The following CDKAL1 variants were observed in gnomAD, a reference collection of about 807,000 sequenced individuals.
CDKAL1 encodes the protein threonylcarbamoyladenosine tRNA methylthiotransferase.
Under a neutral mutation model 68.2 loss-of-function variants are expected in CDKAL1, and 32 were observed. The observed-to-expected ratio is 0.47, with a 90% CI of 0.35 to 0.63. CDKAL1 has a LOEUF of 0.63. Among genes scored for constraint, CDKAL1 ranks in the 30% least tolerant of loss-of-function variants. The pLI, the probability that CDKAL1 is intolerant of heterozygous loss-of-function variation, is 0.00. For synonymous variants in CDKAL1, 234 were observed against 244.3 expected (o/e 0.96, Z 0.39); for missense variants, 606 against 696.7 (o/e 0.87, Z 1.47).
intron 9 of CDKAL1, among the ~76,000 whole-genome samples, chr6:20,883,574 G>A (rs867998261): frequency 7.2e-5 from 11 of 152,292 alleles, no homozygotes; most frequent in East Asian, 3.9e-4. Context: ...CTAAATAGCC[G>A]CATGTGGCTA....
intron 4 of CDKAL1, among the ~76,000 whole-genome samples, chr6:20,648,701 A>G (rs1322282706): frequency 1.3e-5 from 2 of 152,238 alleles, no homozygotes; most frequent in Non-Finnish European, 2.9e-5. Context: ...TGCAAGAGGC[A>G]GGTGGAATAG....
At chr6:21,073,434 C>G (rs551743216) in intron 12 of CDKAL1, among the ~76,000 whole-genome samples, 171 of 152,290 alleles carry the variant, frequency 1.1e-3, no homozygotes, top group African/African-American at 4.0e-3. Flanking sequence ...AGCCACTCTG[C>G]CATTTTGCAT....
intron 4 of CDKAL1, among the ~76,000 whole-genome samples, chr6:20,645,235 A>T (rs1768385935): frequency 1.3e-5 from 2 of 152,184 alleles, no homozygotes; most frequent in Non-Finnish European, 2.9e-5. Context: ...TAAACACTGT[A>T]CACTTAGGCT....
At chr6:21,042,938 G>A (rs888333047) in intron 11 of CDKAL1, among the ~76,000 whole-genome samples, 3 of 152,206 alleles carry the variant, frequency 2.0e-5, no homozygotes, top group East Asian at 1.9e-4. Flanking sequence ...TGCTGAGAGT[G>A]TATAAAAAAC....
At chr6:20,665,739 G>T (rs1229048450) in intron 5 of CDKAL1, among the ~76,000 whole-genome samples, 1 of 151,856 alleles carries the variant, frequency 6.6e-6, no homozygotes, top group Non-Finnish European at 1.5e-5. Flanking sequence ...TAAAGAAACT[G>T]TCGAATGAAA....
At chr6:20,814,962 A>C (rs1776983465) in intron 8 of CDKAL1, among the ~76,000 whole-genome samples, 2 of 151,738 alleles carry the variant, frequency 1.3e-5, no homozygotes, top group South Asian at 2.1e-4. Context: ...AGATCTGGAA[A>C]CTCTTTAGGC....
intron 13 of CDKAL1, among the ~76,000 whole-genome samples, chr6:21,123,951 T>C (rs1482325312): frequency 6.6e-6 from 1 of 152,226 alleles, no homozygotes; most frequent in African/African-American, 2.4e-5. Context: ...ACTTCCGTCT[T>C]AGGAATACCT....
chr6:20,727,496 G>T (rs1048567322), intron 5 of CDKAL1, among the ~76,000 whole-genome samples: 1 of 152,144 alleles, frequency 6.6e-6, no homozygotes, highest in Non-Finnish European at 1.5e-5. Flanking sequence ...GGCTTCTTGA[G>T]GGGGGTAAGT....
intron 7 of CDKAL1, among the ~76,000 whole-genome samples, chr6:20,765,031 G>GT (rs945210282): frequency 1.1e-4 from 16 of 151,544 alleles, no homozygotes; most frequent in South Asian, 2.1e-4. Context: ...ACTTTATTTA[G>GT]TTTTTTTCAA....
chr6:20,853,231 A>C (rs1210344950), intron 9 of CDKAL1, among the ~76,000 whole-genome samples: 1 of 151,520 alleles, frequency 6.6e-6, no homozygotes, highest in Non-Finnish European at 1.5e-5. Context: ...AAAATACAAA[A>C]ATTAGCTAGG....
At chr6:21,136,904 G>A (rs937068610) in intron 13 of CDKAL1, among the ~76,000 whole-genome samples, 13 of 152,080 alleles carry the variant, frequency 8.5e-5, no homozygotes, top group African/African-American at 3.1e-4. Context: ...AAGGTAACAC[G>A]GAGGAATTAC....
intron 10 of CDKAL1, among the ~76,000 whole-genome samples, chr6:20,969,162 CA>C (rs532024410): frequency 6.6e-6 from 1 of 152,022 alleles, no homozygotes; most frequent in Non-Finnish European, 1.5e-5. Context: ...TCAGTGCAGT[CA>C]AAAATCCATG....
intron 5 of CDKAL1, among the ~76,000 whole-genome samples, chr6:20,711,828 A>G (rs570461606): frequency 6.6e-6 from 1 of 152,324 alleles, no homozygotes; most frequent in African/African-American, 2.4e-5. Flanking sequence ...TGCAGTCATG[A>G]TGACAGCCAG....
At chr6:20,840,592 G>T (rs1778135908) in intron 8 of CDKAL1, among the ~76,000 whole-genome samples, 1 of 152,168 alleles carries the variant, frequency 6.6e-6, no homozygotes, top group Non-Finnish European at 1.5e-5. Context: ...GGCAAGAGGA[G>T]TTTTGGGCAC....
intron 11 of CDKAL1, among the ~76,000 whole-genome samples, chr6:21,044,605 G>T (rs1770119287): frequency 6.6e-6 from 1 of 152,160 alleles, no homozygotes; most frequent in South Asian, 2.1e-4. Context: ...ACTTTATGTT[G>T]ACATAGTATA....
intron 8 of CDKAL1, among the ~76,000 whole-genome samples, chr6:20,842,106 G>T (rs1345579240): frequency 2.0e-5 from 3 of 152,074 alleles, no homozygotes; most frequent in Non-Finnish European, 4.4e-5. Context: ...TCTTCTAAAG[G>T]TTTCTATTGT....
At chr6:20,758,445 G>A in intron 6 of CDKAL1, 150 bp from the exon 7 acceptor site, 1 of 585,800 alleles carries the variant, frequency 1.7e-6, no homozygotes, top group Admixed American at 3.1e-5. Flanking sequence ...TATTAATATA[G>A]GATATTTTTT....
intron 5 of CDKAL1, among the ~76,000 whole-genome samples, chr6:20,682,151 T>TG (rs1025367286): frequency 5.3e-5 from 8 of 152,150 alleles, no homozygotes; most frequent in African/African-American, 9.7e-5. Context: ...CATATGAATT[T>TG]GGGGGGGACA....
intron 5 of CDKAL1, among the ~76,000 whole-genome samples, chr6:20,734,785 A>G (rs79339140): frequency 0.041 from 6,281 of 152,206 alleles, 142 homozygotes; most frequent in Middle Eastern, 0.078. Context: ...GCTGGTCTCA[A>G]ACGCCTTCCT....
Sources: gnomAD v4.1 joint callset for allele counts (sites outside exome capture counted in the v4.1 genomes callset) on GRCh38, gnomAD v4.1.1 for gene constraint, MANE v1.5 for transcripts, NCBI Gene and HGNC (gene_info 2026-07-23, HGNC 2026-07-21) for gene names.